Variants in GLRA3 observed in about 807,000 individuals in gnomAD.
The protein encoded by GLRA3 is glycine receptor subunit alpha-3.
In GLRA3, 44 loss-of-function variants were observed where a neutral mutation model predicts 60.4. The observed-to-expected ratio is 0.73, with a 90% CI of 0.57 to 0.94. The LOEUF is 0.94. GLRA3 is among the 40% of genes least tolerant of loss of function. The pLI is 0.00. For missense variants in GLRA3, 508 were observed against 564.6 expected (o/e 0.90, Z 1.02); for synonymous variants, 223 against 192.9 (o/e 1.16, Z -1.29).
chr4:174,741,603 C>A (rs1737029237), intron 3 of GLRA3, among the ~76,000 whole-genome samples: 1 of 151,796 alleles, frequency 6.6e-6, no homozygotes, highest in African/African-American at 2.4e-5. Context: ...ATCCCTTTAT[C>A]CATTATTTAT....
rs573134222 is a variant in GLRA3, at chr4:174,734,033, C to T, written c.268-5335G>A. Among the ~76,000 whole-genome samples, 7 of 150,590 alleles carry T rather than the reference C, an allele frequency of 4.6e-5. No homozygotes were observed. In the East Asian group the frequency reaches 7.8e-4, roughly 17 times the overall value. Reference sequence around the variant, plus strand: ...CAATAGACTTTCTTTTTTTTTTGGCCGGTAATTGGAGATGGTAGAAAACTT... The same window carrying T: ...CAATAGACTTTCTTTTTTTTTTGGCTGGTAATTGGAGATGGTAGAAAACTT... On this transcript the variant is annotated intron_variant, in intron 3 of 9. Transcript: ENST00000274093.
intron 2 of GLRA3, among the ~76,000 whole-genome samples, chr4:174,775,897 ATAATAAT>A (rs1488097781): frequency 8.3e-5 from 1 of 12,054 alleles, no homozygotes; most frequent in African/African-American, 2.3e-4. Context: ...TGGAAAAAAA[ATAATAAT>A]TAGTTTAATG....
chr4:174,661,893 A>G (rs1168253001), intron 7 of GLRA3, among the ~76,000 whole-genome samples: 1 of 152,230 alleles, frequency 6.6e-6, no homozygotes, highest in Non-Finnish European at 1.5e-5. Flanking sequence ...AGAGAAGAGT[A>G]AAAAGAAAAG....
In GLRA3 at chr4:174,638,821, T is replaced by G. The variant is rs1217288685; in HGVS notation, c.*4965A>C. On this transcript the variant is annotated 3_prime_UTR_variant, in exon 10 of 10. Transcript: ENST00000274093. The stretch of plus-strand genomic sequence containing the variant: ...CACTTGGGACAGTGCCAGGCACACA[T>G]AAGGTACTCAATGAATATTTGTTTA... The G allele has an allele frequency of 1.3e-5, 2 of 152,232 alleles. No individual in the cohort carries two copies. Among genetic ancestry groups the G allele is most frequent in the Non-Finnish European group, 2.9e-5 (2 of 68,050 alleles). The allele number at this position is 152,232 out of a possible 1,614,324, so 9.4% of individuals were successfully genotyped here.
intron 2 of GLRA3, among the ~76,000 whole-genome samples, chr4:174,770,775 C>T (rs1738348993): frequency 6.6e-6 from 1 of 151,970 alleles, no homozygotes; most frequent in African/African-American, 2.4e-5. Flanking sequence ...TGAACATTTA[C>T]AAATTTCTAA....
chr4:174,646,075 T>G (rs1408559312), intron 9 of GLRA3, among the ~76,000 whole-genome samples: 1 of 152,208 alleles, frequency 6.6e-6, no homozygotes, highest in Admixed American at 6.5e-5. Context: ...TATCTCAAAG[T>G]AAGACAAAAT....
intron 7 of GLRA3, among the ~76,000 whole-genome samples, chr4:174,671,370 C>A (rs1168215203): frequency 6.6e-6 from 1 of 151,962 alleles, no homozygotes; most frequent in Non-Finnish European, 1.5e-5. Flanking sequence ...ATGTACTCTC[C>A]TTTAAAATTT....
At chr4:174,689,348 G>A (rs936292968) in intron 5 of GLRA3, among the ~76,000 whole-genome samples, 4 of 152,144 alleles carry the variant, frequency 2.6e-5, no homozygotes, top group Non-Finnish European at 5.9e-5. Context: ...ATAGCAATAT[G>A]AATATCTGTG....
intron 5 of GLRA3, among the ~76,000 whole-genome samples, chr4:174,714,677 T>G (rs1383060584): frequency 6.6e-6 from 1 of 152,204 alleles, no homozygotes; most frequent in East Asian, 1.9e-4. Context: ...TCAAGGAATG[T>G]GTCAAACAGT....
At chr4:174,648,331 G>A (rs564644615) in intron 9 of GLRA3, among the ~76,000 whole-genome samples, 271 of 152,268 alleles carry the variant, frequency 1.8e-3, no homozygotes, top group Non-Finnish European at 2.7e-3. Context: ...AGGCGTGGTG[G>A]TACATGCCTA....
chr4:174,651,325 G>A (rs575536154), intron 9 of GLRA3, among the ~76,000 whole-genome samples: 30 of 152,190 alleles, frequency 2.0e-4, no homozygotes, highest in Admixed American at 1.7e-3. Flanking sequence ...AGTCTGCATA[G>A]CCTTAATTTA....
chr4:174,815,070 C>A (rs748317112), intron 1 of GLRA3, among the ~76,000 whole-genome samples: 3 of 152,184 alleles, frequency 2.0e-5, no homozygotes, highest in Admixed American at 6.5e-5. Flanking sequence ...GTTATAGGCA[C>A]TGGGTAAATA....
rs199922740 is a variant in GLRA3, at chr4:174,792,335, GT to G, written c.72-3393del. Among the ~76,000 whole-genome samples the G allele has an allele frequency of 4.5e-3, 670 of 150,398 alleles. 21 individuals are homozygous for G. Among genetic ancestry groups the G allele is most frequent in the Admixed American group, 0.037 (552 of 15,092 alleles). ...GTTGGCTTGTAGATGTCCATTTTCT[GT>G]TTTTTTTTAATGATCTTTTCTTCAC... On this transcript the variant is annotated intron_variant, in intron 1 of 9. Transcript: ENST00000274093.
At chr4:174,647,113 A>G (rs1206496598) in intron 9 of GLRA3, among the ~76,000 whole-genome samples, 1 of 152,206 alleles carries the variant, frequency 6.6e-6, no homozygotes, top group East Asian at 1.9e-4. Flanking sequence ...GTTTCCTATT[A>G]ATAATTTCGG....
intron 7 of GLRA3, among the ~76,000 whole-genome samples, chr4:174,661,908 G>A (rs1217407548): frequency 3.3e-5 from 5 of 152,190 alleles, no homozygotes; most frequent in Non-Finnish European, 5.9e-5. Context: ...GAAAAGCTAC[G>A]TCCGTATTTT....
intron 8 of GLRA3, among the ~76,000 whole-genome samples, chr4:174,657,555 A>C (rs944062616): frequency 6.6e-6 from 1 of 152,172 alleles, no homozygotes; most frequent in African/African-American, 2.4e-5. Flanking sequence ...GTAACGAAGA[A>C]AGACCAGAGT....
Position 174,640,002 on chromosome 4 carries a change from A to T in GLRA3, c.*3784T>A, listed in dbSNP as rs147138677. Reference sequence around the variant, plus strand: ...ACATTTACACTATTTCTTCTAATATATTGTATTAACACCAGATTGTCTTAT... The same window carrying T: ...ACATTTACACTATTTCTTCTAATATTTTGTATTAACACCAGATTGTCTTAT... On this transcript the variant is annotated 3_prime_UTR_variant, in exon 10 of 10. Coordinates refer to ENST00000274093, the MANE Select transcript of GLRA3 (RefSeq NM_006529.4). 6.6e-6 allele frequency: 1 copy of T among 152,190 alleles called. No homozygotes were observed. Among genetic ancestry groups the T allele is most frequent in the East Asian group, 1.9e-4 (1 of 5,174 alleles). The allele number at this position is 152,190 out of a possible 1,614,324, so 9.4% of individuals were successfully genotyped here. A position where few individuals can be genotyped will look rare whatever the true frequency, so the allele number is the denominator to read the frequency against.
At chr4:174,646,546 T>C (rs1029649088) in intron 9 of GLRA3, among the ~76,000 whole-genome samples, 9 of 152,192 alleles carry the variant, frequency 5.9e-5, no homozygotes, top group African/African-American at 2.2e-4. Context: ...TGAAGACCTT[T>C]GGCCCATGTG....
At chr4:174,714,334 A>T (rs923709514) in intron 5 of GLRA3, among the ~76,000 whole-genome samples, 2 of 152,186 alleles carry the variant, frequency 1.3e-5, no homozygotes, top group African/African-American at 4.8e-5. Flanking sequence ...CTTCAATTTC[A>T]AAATCAGGTC....
Sources: gnomAD v4.1 joint callset for allele counts (sites outside exome capture counted in the v4.1 genomes callset) on GRCh38, gnomAD v4.1.1 for gene constraint, MANE v1.5 for transcripts, NCBI Gene and HGNC (gene_info 2026-07-23, HGNC 2026-07-21) for gene names.